MAGI1: variants seen among roughly 807,000 people sequenced by gnomAD.
MAGI1 encodes the protein membrane associated guanylate kinase, WW and PDZ domain containing 1.
In MAGI1, 58 loss-of-function variants were observed where a neutral mutation model predicts 139.9. The observed-to-expected ratio is 0.41, with a 90% CI of 0.34 to 0.52. The LOEUF (loss-of-function observed/expected upper bound fraction) is 0.52, where lower values mean the gene tolerates loss of function less well. Among genes scored for constraint, MAGI1 ranks in the 20% least tolerant of loss-of-function variants. The probability of loss-of-function intolerance (pLI) is 0.12; values close to 1 mark genes in which losing one functional copy is unlikely to be tolerated. For missense variants in MAGI1, 1,874 were observed against 1,901.6 expected (o/e 0.99, Z 0.27); for synonymous variants, 812 against 737.9 (o/e 1.10, Z -1.63).
intron 1 of MAGI1, among the ~76,000 whole-genome samples, chr3:65,891,335 G>T (rs760914972): frequency 2.0e-5 from 3 of 151,986 alleles, no homozygotes; most frequent in Non-Finnish European, 4.4e-5. Context: ...GTAATGGTAA[G>T]AAGTCATTTA....
chr3:65,494,382 C>G (rs907751366), intron 2 of MAGI1, among the ~76,000 whole-genome samples: 1 of 152,118 alleles, frequency 6.6e-6, no homozygotes, highest in Non-Finnish European at 1.5e-5. Context: ...TCATCCAGCT[C>G]AGGTGCTGGG....
chr3:65,606,305 T>C (rs2082735382), intron 2 of MAGI1, among the ~76,000 whole-genome samples: 1 of 152,074 alleles, frequency 6.6e-6, no homozygotes, highest in Non-Finnish European at 1.5e-5. Context: ...CCCTGAAGGT[T>C]ATTTTACTTT....
intron 1 of MAGI1, among the ~76,000 whole-genome samples, chr3:65,976,714 C>T (rs1393091257): frequency 1.3e-5 from 2 of 152,106 alleles, no homozygotes; most frequent in Non-Finnish European, 2.9e-5. Flanking sequence ...AGTTAATTAC[C>T]CTCACGTTTG....
At chr3:65,991,569 C>G (rs1244878801) in intron 1 of MAGI1, among the ~76,000 whole-genome samples, 1 of 152,196 alleles carries the variant, frequency 6.6e-6, no homozygotes, top group African/African-American at 2.4e-5. Flanking sequence ...AGCAGACTAC[C>G]TCCTGGCCTG....
intron 12 of MAGI1, among the ~76,000 whole-genome samples, chr3:65,425,429 G>A (rs753204001): frequency 6.6e-6 from 1 of 152,002 alleles, no homozygotes; most frequent in Non-Finnish European, 1.5e-5. Context: ...ACAGTCCTGT[G>A]GTCTTTCCTC....
At chr3:66,029,588 T>A (rs1356123521) in intron 1 of MAGI1, among the ~76,000 whole-genome samples, 1 of 152,160 alleles carries the variant, frequency 6.6e-6, no homozygotes, top group African/African-American at 2.4e-5. Flanking sequence ...CAAAGTTCCA[T>A]GACACACTCA....
chr3:65,624,321 A>G (rs576029135), intron 1 of MAGI1, among the ~76,000 whole-genome samples: 121 of 151,006 alleles, frequency 8.0e-4, no homozygotes, highest in Middle Eastern at 3.4e-3. Context: ...CTCGTAGATG[A>G]ATCTTCACAG....
intron 1 of MAGI1, chr3:65,688,251 G>C: frequency 1.2e-6 from 1 of 843,214 alleles, no homozygotes; most frequent in Admixed American, 1.8e-5. Context: ...CCAGACTCTG[G>C]TCTGAATCCT....
chr3:65,480,507 C>A (rs1472367940), intron 3 of MAGI1, among the ~76,000 whole-genome samples: 3 of 150,652 alleles, frequency 2.0e-5, no homozygotes, highest in African/African-American at 7.4e-5. Flanking sequence ...TGCACTCCAG[C>A]CTGGGTGAAA....
chr3:65,982,977 T>TACA (rs2065667260), intron 1 of MAGI1, among the ~76,000 whole-genome samples: 2 of 152,322 alleles, frequency 1.3e-5, no homozygotes, highest in African/African-American at 2.4e-5. Context: ...TACAGTACAG[T>TACA]GGCACAATCA....
rs569358989 is a variant in MAGI1, at chr3:65,990,291, A to G, written c.313+47705T>C. ...GCAGGTTCTCGGTCAGCATTCCACC[A>G]CTGGCAAAAATGGAAAAGTTAAAGA... On this transcript the variant is annotated intron_variant, in intron 1 of 22. Transcript: ENST00000402939. Among the ~76,000 whole-genome samples the G allele has an allele frequency of 1.2e-4, 19 of 152,306 alleles. No homozygotes were observed. The South Asian group carries it at 3.7e-3, about 30-fold the overall frequency.
At chr3:65,409,904 T>C (rs951795787) in intron 12 of MAGI1, among the ~76,000 whole-genome samples, 5 of 152,242 alleles carry the variant, frequency 3.3e-5, no homozygotes, top group Middle Eastern at 3.2e-3. Flanking sequence ...ATTAAGAACA[T>C]AGTTGTACTG....
rs7649612 is a variant in MAGI1, at chr3:65,684,046, C to G, written c.314-61958G>C. On this transcript the variant is annotated intron_variant, in intron 1 of 22. Coordinates refer to ENST00000402939, the MANE Select transcript of MAGI1 (RefSeq NM_001033057.2). The stretch of plus-strand genomic sequence containing the variant: ...TTAATTATCCAGGATGGATGGCATA[C>G]AGCTATAGTCCCAGCTACCTGGGAG... 6.8e-3 allele frequency among the ~76,000 whole-genome samples: 1,012 copies of G among 148,114 alleles called. 5 individuals carry two copies. The highest frequency in any genetic ancestry group is 0.012 in the Non-Finnish European group (776 of 67,088).
chr3:65,887,064 G>T (rs2060563625), intron 1 of MAGI1, among the ~76,000 whole-genome samples: 1 of 152,044 alleles, frequency 6.6e-6, no homozygotes, highest in South Asian at 2.1e-4. Context: ...ATAAAATACT[G>T]ATTAAGAATA....
At chr3:65,882,778 A>G (rs538212948) in intron 1 of MAGI1, among the ~76,000 whole-genome samples, 2 of 151,872 alleles carry the variant, frequency 1.3e-5, no homozygotes, top group Non-Finnish European at 2.9e-5. Flanking sequence ...ACAGAATATC[A>G]GAAAAAATTA....
In MAGI1 at chr3:65,585,274, T is replaced by C. The variant is rs952980139; in HGVS notation, c.430+36698A>G. Among the ~76,000 whole-genome samples, 3 of 152,300 alleles carry C rather than the reference T, an allele frequency of 2.0e-5. No individual in the cohort carries two copies. In the South Asian group the frequency reaches 6.2e-4, roughly 32 times the overall value. On this transcript the variant is annotated intron_variant, in intron 2 of 22. Coordinates refer to ENST00000402939, the MANE Select transcript of MAGI1 (RefSeq NM_001033057.2). ...GTATTAAAAGAATCAGGCAAATCAA[T>C]GGTGAGCAGGACTGACTGACAGCTT...
intron 13 of MAGI1, among the ~76,000 whole-genome samples, chr3:65,392,596 A>T (rs1014573173): frequency 1.2e-3 from 187 of 152,216 alleles, no homozygotes; most frequent in African/African-American, 4.3e-3. Flanking sequence ...GATCAATCCT[A>T]TCAAGGCCAT....
At chr3:65,442,156 G>C (rs1948386174) in intron 8 of MAGI1, among the ~76,000 whole-genome samples, 4 of 150,120 alleles carry the variant, frequency 2.7e-5, no homozygotes, top group Admixed American at 1.3e-4. Flanking sequence ...TTTGATGAAA[G>C]GAAAAAGTGG....
intron 1 of MAGI1, among the ~76,000 whole-genome samples, chr3:65,666,260 G>T (rs780177909): frequency 3.3e-5 from 5 of 152,082 alleles, no homozygotes. Context: ...AGTAGCCAGG[G>T]CACTGTACAA....
Sources: gnomAD v4.1 joint callset for allele counts (sites outside exome capture counted in the v4.1 genomes callset) on GRCh38, gnomAD v4.1.1 for gene constraint, MANE v1.5 for transcripts, NCBI Gene and HGNC (gene_info 2026-07-23, HGNC 2026-07-21) for gene names.